The following TAAR5 variants were observed in gnomAD, a reference collection of about 807,000 sequenced individuals.
The protein encoded by TAAR5 is trace amine-associated receptor 5.
A neutral mutation model predicts 21.1 loss-of-function variants in TAAR5; 27 were observed. That is an observed-to-expected ratio of 1.28 (90% CI 0.94 to 1.76). The LOEUF (loss-of-function observed/expected upper bound fraction) is 1.76. TAAR5 is among the 40% of genes most tolerant of loss of function. The pLI, the probability that TAAR5 is intolerant of heterozygous loss-of-function variation, is 0.00. For synonymous variants in TAAR5, 203 were observed against 167.5 expected (o/e 1.21, Z -1.64); for missense variants, 495 against 405.6 (o/e 1.22, Z -1.89).
rs1484318365 is a variant in TAAR5 at position 132,589,393 on chromosome 6, G to C, written c.294C>G (p.Ser98Arg). The change falls in exon 1 of 1, where the codon AGC (serine) becomes AGG (arginine). Residue 98 changes from serine to arginine, a missense_variant. Transcript: ENST00000258034. ...LPLSTIRSVE[S>R]CWFFGDFLCR... ...AGAGGAAGTCCCCGAAGAACCAGCAGCTCTCCACTGAGCGAATGGTGCTGA... is the reference window on the plus strand; with the variant it reads ...AGAGGAAGTCCCCGAAGAACCAGCACCTCTCCACTGAGCGAATGGTGCTGA... 1 of 1,614,114 alleles carries C rather than the reference G, an allele frequency of 6.2e-7. No individual in the cohort carries two copies. Among genetic ancestry groups the C allele is most frequent in the East Asian group, 2.2e-5 (1 of 44,874 alleles).
the TAAR5 span, among the ~76,000 whole-genome samples, chr6:132,616,133 A>AT: frequency 1.1e-4 from 17 of 152,282 alleles, no homozygotes; most frequent in African/African-American, 4.1e-4. Context: ...ATAAGGAAAG[A>AT]TTTTTTAAAT....
the TAAR5 span, chr6:132,594,901 T>TC: frequency 6.6e-6 from 1 of 152,208 alleles, no homozygotes; most frequent in African/African-American, 2.4e-5. Context: ...AACAAACTCT[T>TC]CTGCACCAAT....
the TAAR5 span, among the ~76,000 whole-genome samples, chr6:132,600,960 GGAAGGAGGGAAGGAGGGAAA>G: frequency 1.2e-5 from 1 of 82,978 alleles, no homozygotes; most frequent in African/African-American, 4.7e-5. Flanking sequence ...AAAGAAGGAG[GGAAGGAGGGAAGGAGGGAAA>G]GAAGGAAGGA....
the TAAR5 span, among the ~76,000 whole-genome samples, chr6:132,614,889 G>C: frequency 6.6e-6 from 1 of 152,114 alleles, no homozygotes; most frequent in Non-Finnish European, 1.5e-5. Flanking sequence ...CTTTGAGACA[G>C]AGTCTCACTC....
Position 132,589,387 on chromosome 6 carries a change from C to T in TAAR5, c.300G>A (p.Trp100Ter), listed in dbSNP as rs1182198872. The T allele has an allele frequency of 6.2e-7, 1 of 1,613,916 alleles. No homozygotes were observed. The highest frequency in any genetic ancestry group is 8.5e-7 in the Non-Finnish European group (1 of 1,179,952). ...GGCGGCAGAGGAAGTCCCCGAAGAA[C>T]CAGCAGCTCTCCACTGAGCGAATGG... ...LSTIRSVESC[W>*]FFGDFLCRLH... is the part of the protein sequence containing the mutation. Residue 100 changes from tryptophan (W) to a stop codon, truncating the protein, a stop_gained, in exon 1 of 1, where the codon TGG becomes TGA. Coordinates refer to ENST00000258034, the MANE Select transcript of TAAR5 (RefSeq NM_003967.3). LOFTEE classifies it high-confidence loss of function.
the TAAR5 span, among the ~76,000 whole-genome samples, chr6:132,613,558 C>T: frequency 6.6e-6 from 1 of 151,984 alleles, no homozygotes; most frequent in African/African-American, 2.4e-5. Context: ...TTTCCTTTTC[C>T]TCCTCAAGTT....
upstream of TAAR5, among the ~76,000 whole-genome samples, chr6:132,593,380 C>T (rs1270562722): frequency 1.3e-5 from 2 of 152,224 alleles, no homozygotes; most frequent in Admixed American, 1.3e-4. Flanking sequence ...CAGAGCAACA[C>T]TTGGCACATA....
chr6:132,613,239 A>G, the TAAR5 span, among the ~76,000 whole-genome samples: 1 of 152,208 alleles, frequency 6.6e-6, no homozygotes, highest in African/African-American at 2.4e-5. Flanking sequence ...ACAAACTAAC[A>G]ATGTTCTTTT....
Position 132,589,523 on chromosome 6 carries a change from A to G in TAAR5, c.164T>C (p.Val55Ala), listed in dbSNP as rs747563635. Residue 55 changes from valine to alanine, a missense_variant, in exon 1 of 1, where the codon GTG (valine) becomes GCG (alanine). Transcript: ENST00000258034. ...MLIIVLGNVF[V>A]AFAVSYFKAL... is the part of the protein sequence containing the mutation. Reference sequence around the variant, plus strand: ...TTTGAAGTAGGACACAGCAAATGCCACAAATACATTCCCTAGCACGATAAT... The same window carrying G: ...TTTGAAGTAGGACACAGCAAATGCCGCAAATACATTCCCTAGCACGATAAT... 1 of 1,614,068 alleles carries G rather than the reference A, an allele frequency of 6.2e-7. No individual in the cohort carries two copies. The highest frequency in any genetic ancestry group is 1.7e-5 in the Admixed American group (1 of 60,014).
At chr6:132,603,583 T>C in the TAAR5 span, among the ~76,000 whole-genome samples, 1 of 152,164 alleles carries the variant, frequency 6.6e-6, no homozygotes, top group South Asian at 2.1e-4. Context: ...TTTATAATAT[T>C]GGTAATGTTT....
At chr6:132,608,982 A>T in the TAAR5 span, 1 of 455,956 alleles carries the variant, frequency 2.2e-6, no homozygotes, top group Non-Finnish European at 4.4e-6. Flanking sequence ...AGCCATCCCC[A>T]AAGTACCAGC....
chr6:132,608,122 C>T, the TAAR5 span: 8 of 350,898 alleles, frequency 2.3e-5, no homozygotes, highest in East Asian at 2.2e-4. Context: ...GAACACTTAA[C>T]GTTGATTACT....
chr6:132,607,448 T>C, the TAAR5 span, among the ~76,000 whole-genome samples: 22 of 152,000 alleles, frequency 1.4e-4, no homozygotes, highest in Non-Finnish European at 7.4e-5. Flanking sequence ...AGATCATAGG[T>C]ATTATGGTGT....
At chr6:132,609,326 T>G in the TAAR5 span, 1 of 241,898 alleles carries the variant, frequency 4.1e-6, no homozygotes, top group Non-Finnish European at 8.2e-6. Context: ...TCACTGTTTC[T>G]TCTCTTCTTA....
At chr6:132,608,588 T>C in the TAAR5 span, 1 of 455,974 alleles carries the variant, frequency 2.2e-6, no homozygotes, top group South Asian at 1.5e-5. Flanking sequence ...ACATGGCTGA[T>C]GACTCGAGCA....
chr6:132,615,978 GA>G, the TAAR5 span, among the ~76,000 whole-genome samples: 1 of 149,742 alleles, frequency 6.7e-6, no homozygotes, highest in Non-Finnish European at 1.5e-5. Flanking sequence ...GATATATTTT[GA>G]TACTATCTAT....
the TAAR5 span, among the ~76,000 whole-genome samples, chr6:132,613,076 T>C: frequency 1.3e-5 from 2 of 152,134 alleles, no homozygotes; most frequent in South Asian, 4.1e-4. Flanking sequence ...TAAGGGAAAA[T>C]TCATATACTT....
the TAAR5 span, among the ~76,000 whole-genome samples, chr6:132,607,797 A>G: frequency 1.3e-5 from 2 of 152,306 alleles, no homozygotes; most frequent in African/African-American, 2.4e-5. Flanking sequence ...CTAGTTGTTA[A>G]TAGAGGTCAA....
At chr6:132,596,463 C>T in the TAAR5 span, among the ~76,000 whole-genome samples, 1 of 151,992 alleles carries the variant, frequency 6.6e-6, no homozygotes, top group African/African-American at 2.4e-5. Context: ...GAAAATGAAC[C>T]CACAAGCACA....
Sources: gnomAD v4.1 joint callset for allele counts (sites outside exome capture counted in the v4.1 genomes callset) on GRCh38, gnomAD v4.1.1 for gene constraint, MANE v1.5 for transcripts, NCBI Gene and HGNC (gene_info 2026-07-23, HGNC 2026-07-21) for gene names.